GPC5: variants seen among roughly 807,000 people sequenced by gnomAD.
GPC5 encodes the protein glypican 5.
GPC5 carries 47 observed loss-of-function variants against 53.9 expected under a neutral mutation model. The observed-to-expected ratio is 0.87, with a 90% confidence interval of 0.69 to 1.11. The LOEUF (loss-of-function observed/expected upper bound fraction) is 1.11. GPC5 is among the 50% of genes most tolerant of loss of function. The pLI is 0.00. For missense variants in GPC5, 748 were observed against 713.1 expected, an observed-to-expected ratio of 1.05 and a Z score of -0.56; for synonymous variants, 286 against 263.3, an observed-to-expected ratio of 1.09 and a Z score of -0.84.
chr13:92,582,778 CT>C (rs1260367534), intron 7 of GPC5, among the ~76,000 whole-genome samples: 3 of 151,624 alleles, frequency 2.0e-5, no homozygotes, highest in Non-Finnish European at 4.4e-5. Context: ...TGTGGTCTTA[CT>C]TTTTTTTCAG....
At chr13:92,104,884 T>G (rs1228831743) in intron 6 of GPC5, among the ~76,000 whole-genome samples, 2 of 152,094 alleles carry the variant, frequency 1.3e-5, no homozygotes, top group African/African-American at 4.8e-5. Flanking sequence ...TCCATCAAGA[T>G]CTTTGCAGTG....
intron 7 of GPC5, among the ~76,000 whole-genome samples, chr13:92,334,642 G>A (rs554235566): frequency 1.3e-5 from 2 of 152,276 alleles, no homozygotes; most frequent in South Asian, 2.1e-4. Flanking sequence ...CTATGAGCCT[G>A]TAAAATCAAA....
At chr13:91,817,838 G>A (rs1057467544) in intron 5 of GPC5, among the ~76,000 whole-genome samples, 28 of 152,086 alleles carry the variant, frequency 1.8e-4, no homozygotes, top group East Asian at 3.9e-4. Flanking sequence ...AGAACTTTTC[G>A]TACATATTTT....
At chr13:92,049,014 G>C (rs369411355) in intron 6 of GPC5, among the ~76,000 whole-genome samples, 2 of 152,046 alleles carry the variant, frequency 1.3e-5, no homozygotes, top group African/African-American at 4.8e-5. Flanking sequence ...CTTTCTCTTA[G>C]CATGTCAAAT....
At position 91,693,294 on chromosome 13, in the gene GPC5, T is replaced by C; in HGVS notation, c.433T>C (p.Phe145Leu). 2 of 1,614,122 alleles carry C rather than the reference T, an allele frequency of 1.2e-6. No individual in the cohort carries two copies. The highest frequency in any genetic ancestry group is 1.7e-6 in the Non-Finnish European group (2 of 1,180,006). ...LEAAASVQEF[F>L]TDVGLYLFGA... ...GGCTGCTGCTTCGGTTCAGGAGTTC[T>C]TCACTGATGTGGGGCTGTATTTATT... The change falls in exon 3 of 8, where the codon TTC (phenylalanine) becomes CTC (leucine). Residue 145 changes from phenylalanine to leucine, a missense_variant. By Grantham distance (22) the Phe-to-Leu change is conservative. Coordinates refer to ENST00000377067, the MANE Select transcript of GPC5 (RefSeq NM_004466.6).
intron 2 of GPC5, among the ~76,000 whole-genome samples, chr13:91,578,922 C>T (rs908162884): frequency 1.3e-5 from 2 of 151,904 alleles, no homozygotes; most frequent in Non-Finnish European, 2.9e-5. Context: ...TGGCATGTGC[C>T]TGTAGTCCCA....
At chr13:91,877,223 A>G (rs1296526227) in intron 5 of GPC5, among the ~76,000 whole-genome samples, 2 of 152,190 alleles carry the variant, frequency 1.3e-5, no homozygotes, top group Admixed American at 1.3e-4. Flanking sequence ...CAGAGTCCCT[A>G]CTGGGGCACT....
intron 7 of GPC5, among the ~76,000 whole-genome samples, chr13:92,594,127 G>C (rs1405481637): frequency 1.3e-5 from 2 of 152,166 alleles, no homozygotes; most frequent in Non-Finnish European, 2.9e-5. Context: ...TTGCCAGAAA[G>C]ATATAATTCT....
intron 7 of GPC5, among the ~76,000 whole-genome samples, chr13:92,808,225 C>A (rs1434968000): frequency 6.6e-6 from 1 of 152,026 alleles, no homozygotes; most frequent in East Asian, 1.9e-4. Context: ...TGATTTGTTT[C>A]CATAGATTTT....
At chr13:91,650,749 AG>A (rs1330820427) in intron 2 of GPC5, among the ~76,000 whole-genome samples, 15 of 67,064 alleles carry the variant, frequency 2.2e-4, no homozygotes, top group African/African-American at 7.9e-4. Flanking sequence ...AATTCCCATA[AG>A]TTTTTTTTTT....
At chr13:91,946,290 G>A (rs1390406353) in intron 6 of GPC5, among the ~76,000 whole-genome samples, 3 of 152,008 alleles carry the variant, frequency 2.0e-5, no homozygotes, top group Non-Finnish European at 4.4e-5. Flanking sequence ...GAAGTAAGAT[G>A]ATTCAGAACT....
intron 7 of GPC5, among the ~76,000 whole-genome samples, chr13:92,283,243 A>G (rs945194232): frequency 2.0e-5 from 3 of 152,228 alleles, no homozygotes; most frequent in Admixed American, 1.3e-4. Flanking sequence ...TTCATAAAGC[A>G]AGTCCTTAGA....
chr13:92,673,308 A>C (rs12864590), intron 7 of GPC5, among the ~76,000 whole-genome samples: 33,113 of 149,802 alleles, frequency 0.22, 4,316 homozygotes, highest in South Asian at 0.36. Flanking sequence ...TTGAGATGGA[A>C]TCTCGCTCTG....
intron 2 of GPC5, among the ~76,000 whole-genome samples, chr13:91,608,200 A>G (rs1594324257): frequency 6.6e-6 from 1 of 152,228 alleles, no homozygotes; most frequent in South Asian, 2.1e-4. Context: ...TTGATTATTC[A>G]GCAATTATTT....
At chr13:92,633,074 A>G (rs1409615629) in intron 7 of GPC5, among the ~76,000 whole-genome samples, 1 of 152,030 alleles carries the variant, frequency 6.6e-6, no homozygotes, top group Admixed American at 6.6e-5. Context: ...TATTTTTAGT[A>G]AAGACGGGGT....
intron 6 of GPC5, among the ~76,000 whole-genome samples, chr13:92,035,317 A>T (rs1294363595): frequency 1.3e-4 from 20 of 151,838 alleles, no homozygotes; most frequent in Admixed American, 1.2e-3. Context: ...CGATTCTCCC[A>T]TTACTTCCTC....
intron 7 of GPC5, among the ~76,000 whole-genome samples, chr13:92,791,633 A>G (rs1213769742): frequency 6.6e-6 from 1 of 152,116 alleles, no homozygotes; most frequent in Non-Finnish European, 1.5e-5. Flanking sequence ...CCTAGAAAAA[A>G]AAAATGTTAG....
chr13:91,917,714 G>A (rs2039673591), intron 6 of GPC5, among the ~76,000 whole-genome samples: 2 of 152,166 alleles, frequency 1.3e-5, no homozygotes, highest in African/African-American at 4.8e-5. Flanking sequence ...CTTTGATAAA[G>A]CATAGAAAGA....
At chr13:92,040,288 C>T (rs1555306352) in intron 6 of GPC5, among the ~76,000 whole-genome samples, 2 of 152,098 alleles carry the variant, frequency 1.3e-5, no homozygotes. Context: ...AAGAGGTGCA[C>T]GTTAAGTGCA....
Sources: allele counts gnomAD v4.1 joint callset (sites outside exome capture counted in the v4.1 genomes callset), GRCh38; gene constraint gnomAD v4.1.1; transcripts MANE v1.5; gene names NCBI Gene and HGNC (gene_info 2026-07-23, HGNC 2026-07-21).